ULK3: variants seen among roughly 807,000 people sequenced by gnomAD.
ULK3 encodes serine/threonine-protein kinase ULK3.
Under a neutral mutation model 69.4 loss-of-function variants are expected in ULK3, and 54 were observed. The observed-to-expected ratio is 0.78, with a 90% CI of 0.63 to 0.98. ULK3 has a LOEUF of 0.98. Ranked by LOEUF, ULK3 falls within the 50% of genes least tolerant of loss-of-function variation. The pLI is 0.00. For synonymous variants in ULK3, 240 were observed against 254.5 expected (o/e 0.94, Z 0.54); for missense variants, 558 against 627.7 (o/e 0.89, Z 1.19).
chr15:74,842,727 C>G lies in ULK3; in HGVS notation c.102+277G>C. The G allele has an allele frequency of 6.6e-7, 1 of 1,521,302 alleles. No homozygotes were observed. Among genetic ancestry groups the G allele is most frequent in the Non-Finnish European group, 8.8e-7 (1 of 1,135,936 alleles). 94.2% of individuals were successfully genotyped at this position (1,521,302 alleles called of 1,614,324 possible). A position where few individuals can be genotyped will look rare whatever the true frequency, so the allele number is the denominator to read the frequency against. On this transcript the variant is annotated intron_variant, in intron 1 of 15. Transcript: ENST00000440863. This position sits in a 1 kb window ranked among gnomAD's most constrained non-coding sequence, Gnocchi z 4.9. ...ACTCAGGGTTCTAGAACCGCCCACTCTGCCTCCCAACTGGCTCCAGTCCCA... is the reference window on the plus strand; with the variant it reads ...ACTCAGGGTTCTAGAACCGCCCACTGTGCCTCCCAACTGGCTCCAGTCCCA...
At position 74,839,333 on chromosome 15, in the gene ULK3, C is replaced by A. The variant is rs1332171460; in HGVS notation, c.893G>T (p.Gly298Val). 1.3e-6 allele frequency: 2 copies of A among 1,567,294 alleles called. No individual in the cohort carries two copies. Among genetic ancestry groups the A allele is most frequent in the East Asian group, 2.4e-5 (1 of 42,164 alleles). ...VVQAVKKDQE[G>V]DSAAALSLYC... is the part of the protein sequence containing the mutation. The stretch of plus-strand genomic sequence containing the variant: ...GAGTGATAAGGCAGCTGCTGAATCC[C>A]CCTCCTGGTCTTTCTTCACAGCCTG... Residue 298 changes from glycine (G) to valine (V), a missense_variant, in exon 8 of 16, where the codon GGG (glycine) becomes GTG (valine). Physicochemically the swap from Gly to Val is moderately radical, Grantham distance 109 (BLOSUM62 -3). Transcript: ENST00000440863.
At chr15:74,838,008 G>T in intron 13 of ULK3, 144 bp downstream of exon 13, 1 of 1,361,900 alleles carries the variant, frequency 7.3e-7, no homozygotes, top group Non-Finnish European at 1.0e-6. Context: ...CCCTGTCTGA[G>T]CACCCCAGCC....
At chr15:74,841,111 C>G (rs907061432) in intron 4 of ULK3, among the ~76,000 whole-genome samples, 2 of 152,190 alleles carry the variant, frequency 1.3e-5, no homozygotes, top group South Asian at 2.1e-4. Flanking sequence ...GCTTGTCACA[C>G]GCTGAACCCT....
Position 74,836,449 on chromosome 15 carries a change from G to C in ULK3, c.*779C>G, listed in dbSNP as rs2064021589. The C allele has an allele frequency of 6.6e-6, 1 of 152,278 alleles. No individual in the cohort carries two copies. Among genetic ancestry groups the C allele is most frequent in the East Asian group, 1.9e-4 (1 of 5,182 alleles). 9.4% of individuals were successfully genotyped at this position (152,278 alleles called of 1,614,324 possible). A position where few individuals can be genotyped will look rare whatever the true frequency, so the allele number is the denominator to read the frequency against. The stretch of plus-strand genomic sequence containing the variant: ...AAGTGGGTGGCCTAGAGGGCACTGG[G>C]TCAGACTGTCTCCAAGCCTCCCTCT... On this transcript the variant is annotated 3_prime_UTR_variant, in exon 16 of 16. Transcript: ENST00000440863. This position sits in a 1 kb window ranked among gnomAD's most constrained non-coding sequence, Gnocchi z 4.0.
chr15:74,837,566 G>A (rs2064063939), intron 14 of ULK3, 131 bp from the exon 15 acceptor site: 7 of 865,398 alleles, frequency 8.1e-6, no homozygotes, highest in East Asian at 4.5e-5. Flanking sequence ...AGAGAGTGAA[G>A]GACGGGGACA....
In ULK3 at chr15:74,838,515, G is replaced by A. The variant is rs1428321420; in HGVS notation, c.1103-11C>T. On this transcript the variant is annotated splice_polypyrimidine_tract_variant and intron_variant, in intron 10 of 15. Coordinates refer to ENST00000440863, the MANE Select transcript of ULK3 (RefSeq NM_001099436.4). ...TGTCCCGGGCCATCTCTGAGATGAG[G>A]GGAAAGGCTCAGGGTGAGGGAAGCA... 7.0e-6 allele frequency: 11 copies of A among 1,571,042 alleles called. No individual in the cohort carries two copies. Among genetic ancestry groups the A allele is most frequent in the Non-Finnish European group, 8.6e-6 (10 of 1,158,112 alleles).
rs539511419 is a variant in ULK3, at chr15:74,842,208, G to A, written c.244-13C>T. On this transcript the variant is annotated splice_polypyrimidine_tract_variant and intron_variant, in intron 2 of 15. Transcript: ENST00000440863. The surrounding 1 kb of genome is among the most constrained non-coding windows in gnomAD (Gnocchi z 4.9). ...TGTCACTGTCCCACTGTGTTTAGAG[G>A]CAGAGAGGCGGCCTGAAGAGAGTGT... 14 of 1,614,008 alleles carry A rather than the reference G, an allele frequency of 8.7e-6. No individual in the cohort carries two copies. The highest frequency in any genetic ancestry group is 8.0e-5 in the African/African-American group (6 of 75,066).
At chr15:74,840,460 T>C in intron 5 of ULK3, 38 bp downstream of exon 5, 2 of 1,586,164 alleles carry the variant, frequency 1.3e-6, no homozygotes, top group Middle Eastern at 1.7e-4. Flanking sequence ...GAGGAAACTG[T>C]AGGCCTCAGG....
At position 74,838,335 on chromosome 15, in the gene ULK3, C is replaced by T. The variant is rs941009587; in HGVS notation, c.1177G>A (p.Ala393Thr). The change falls in exon 12 of 16, where the codon GCC (alanine) becomes ACC (threonine). Residue 393 changes from alanine (A) to threonine (T), a missense_variant. Transcript: ENST00000440863. ...TCCAGGGCATCCTGCTCCCCGCCGG[C>T]GGCCTCCTCCTGCAGCCACAAGGAC... ...ASAAMAKEEA[A>T]GGEQDALDLY... is the part of the protein sequence containing the mutation. The T allele has an allele frequency of 3.8e-6, 6 of 1,567,978 alleles. No individual in the cohort carries two copies. The South Asian group carries it at 5.9e-5, about 15-fold the overall frequency.
Position 74,839,616 on chromosome 15 carries a change from A to T in ULK3, c.794T>A (p.Phe265Tyr). Reference sequence around the variant, plus strand: ...CTCCAGGTCCACCCAGGGGTGCGCAAAAAAGTCCTGGAAGGAGATGCGACG... The same window carrying T: ...CTCCAGGTCCACCCAGGGGTGCGCATAAAAGTCCTGGAAGGAGATGCGACG... ...PSRRISFQDF[F>Y]AHPWVDLEHM... The change falls in exon 7 of 16, where the codon TTT (phenylalanine) becomes TAT (tyrosine). Residue 265 changes from phenylalanine (F) to tyrosine (Y), a missense_variant. Phe to Tyr is a conservative substitution (Grantham distance 22, BLOSUM62 3). Transcript: ENST00000440863. 1 of 1,563,362 alleles carries T rather than the reference A, an allele frequency of 6.4e-7. No homozygotes were observed.
rs200747366 is a variant in ULK3 at position 74,837,479 on chromosome 15, C to T, written c.1336-44G>A. 12 of 1,260,256 alleles carry T rather than the reference C, an allele frequency of 9.5e-6. No homozygotes were observed. The East Asian group carries it at 1.5e-4, about 16-fold the overall frequency. The allele number at this position is 1,260,256 out of a possible 1,614,324, so 78.1% of individuals were successfully genotyped here. A position where few individuals can be genotyped will look rare whatever the true frequency, so the allele number is the denominator to read the frequency against. ...GCACAAGGGATGAGAGGCAGACACA[C>T]GAGCCACAGCGCAGTGCCGAGCAAG... On this transcript the variant is annotated intron_variant, in intron 14 of 15. Transcript: ENST00000440863.
Position 74,839,707 on chromosome 15 carries a change from A to G in ULK3, c.703T>C (p.Leu235=), listed in dbSNP as rs1430737151. 2 of 1,544,722 alleles carry G rather than the reference A, an allele frequency of 1.3e-6. No homozygotes were observed. The highest frequency in any genetic ancestry group is 8.7e-7 in the Non-Finnish European group (1 of 1,148,220). ...CAGTCTCGGGAGAGCAGGGGCCGCA[A>G]GGGGAGCTGCAGGGAAGGGAACGGC... The part of the protein sequence containing the change: ...IRSNRVIELP[L]RPLLSRDCRD... The change falls in exon 7 of 16, where the codon TTG becomes CTG. Residue 235 remains leucine (L), a synonymous_variant. Transcript: ENST00000440863.
In ULK3 at chr15:74,838,626, C is replaced by T; in HGVS notation, c.1102+17G>A. ...GTTTGCTGGGGGCCCTGGGGTCAGC[C>T]AGAAACCGGAGTCTACCTCTGAGCA... On this transcript the variant is annotated intron_variant, in intron 10 of 15. Transcript: ENST00000440863. 6.2e-7 allele frequency: 1 copy of T among 1,604,190 alleles called. No individual in the cohort carries two copies. The highest frequency in any genetic ancestry group is 8.5e-7 in the Non-Finnish European group (1 of 1,174,646).
rs367758854 is a variant in ULK3, at chr15:74,838,473, A to G, written c.1134T>C (p.Ala378=). 1,801 of 1,581,250 alleles carry G rather than the reference A, an allele frequency of 1.1e-3. 1 individual carries two copies. Among genetic ancestry groups the G allele is most frequent in the South Asian group, 1.6e-3 (142 of 86,278 alleles). ...TGGCAGCTGAAGCCACTTCCAGGGC[A>G]GCTAGGAGGCGTGGCTTGTCCCGGG... ...EMARDKPRLL[A]ALEVASAAMA... Residue 378 remains alanine, a synonymous_variant, in exon 11 of 16, where the codon GCT becomes GCC. Transcript: ENST00000440863.
chr15:74,842,362 G>T lies in ULK3; in HGVS notation c.161C>A (p.Ala54Glu). 4.3e-6 allele frequency: 7 copies of T among 1,614,014 alleles called. No homozygotes were observed. Among genetic ancestry groups the T allele is most frequent in the Non-Finnish European group, 5.9e-6 (7 of 1,179,894 alleles). Residue 54 changes from alanine (A) to glutamate (E), a missense_variant, in exon 2 of 16, where the codon GCA (alanine) becomes GAA (glutamate). By Grantham distance (107) the Ala-to-Glu change is moderately radical. Transcript: ENST00000440863. This position sits in a 1 kb window ranked among gnomAD's most constrained non-coding sequence, Gnocchi z 4.9. ...CTCCGTGAGGAGGTTCTCCACCGATGCCTTGTTCAGACTTTTCTTGGCTAC... is the reference window on the plus strand; with the variant it reads ...CTCCGTGAGGAGGTTCTCCACCGATTCCTTGTTCAGACTTTTCTTGGCTAC... ...KCVAKKSLNK[A>E]SVENLLTEIE...
Position 74,841,402 on chromosome 15 carries a change from G to C in ULK3, c.469+3C>G. On this transcript the variant is annotated splice_donor_region_variant and intron_variant, in intron 4 of 15. Coordinates refer to ENST00000440863, the MANE Select transcript of ULK3 (RefSeq NM_001099436.4). ...CCTCATCCCTGCTGTTTCAGACACA[G>C]ACCTGCCAGTTTTAGGTGGGGCTTC... 6.2e-7 allele frequency: 1 copy of C among 1,613,120 alleles called. No individual in the cohort carries two copies. The highest frequency in any genetic ancestry group is 8.5e-7 in the Non-Finnish European group (1 of 1,179,220).
chr15:74,839,499 G>C lies in ULK3; in HGVS notation c.852+59C>G, dbSNP rs571132437. On this transcript the variant is annotated intron_variant, in intron 7 of 15. Coordinates refer to ENST00000440863, the MANE Select transcript of ULK3 (RefSeq NM_001099436.4). ...GGTGAGTCACCAATTCACCACCAACGGGGGCAAGGAGACCTCCAGCCCACC... is the reference window on the plus strand; with the variant it reads ...GGTGAGTCACCAATTCACCACCAACCGGGGCAAGGAGACCTCCAGCCCACC... 14 of 1,540,558 alleles carry C rather than the reference G, an allele frequency of 9.1e-6. No homozygotes were observed. In the South Asian group the frequency reaches 1.4e-4, roughly 16 times the overall value.
At chr15:74,841,033 T>A (rs2064228623) in intron 4 of ULK3, among the ~76,000 whole-genome samples, 1 of 151,696 alleles carries the variant, frequency 6.6e-6, no homozygotes, top group African/African-American at 2.4e-5. Flanking sequence ...ACAGATGGAG[T>A]CACAGACTTG....
chr15:74,840,115 C>CA, intron 6 of ULK3, 119 bp downstream of exon 6: 1 of 1,283,402 alleles, frequency 7.8e-7, no homozygotes, highest in Non-Finnish European at 1.1e-6. Context: ...CCTGCCCCTC[C>CA]ACCACAAAGG....
Sources: allele counts gnomAD v4.1 joint callset (sites outside exome capture counted in the v4.1 genomes callset), GRCh38; gene constraint gnomAD v4.1.1; non-coding constraint Gnocchi (gnomAD v3.1); transcripts MANE v1.5; gene names NCBI Gene and HGNC (gene_info 2026-07-23, HGNC 2026-07-21).